LRP12: variants seen among roughly 807,000 people sequenced by gnomAD.
The protein encoded by LRP12 is LDL receptor related protein 12, also known as low-density lipoprotein receptor-related protein 12.
LRP12 carries 14 observed loss-of-function variants against 66.0 expected under a neutral mutation model. The ratio of observed to expected loss-of-function variants is 0.21; its 90% confidence interval spans 0.14 to 0.33. LRP12 has a LOEUF of 0.33. Among genes scored for constraint, LRP12 ranks in the 10% least tolerant of loss-of-function variants. The probability of loss-of-function intolerance (pLI) is 1.00; values close to 1 mark genes in which losing one functional copy is unlikely to be tolerated. For synonymous variants in LRP12, 357 were observed against 359.1 expected (o/e 0.99, Z 0.07); for missense variants, 889 against 1,053.4 (o/e 0.84, Z 2.16).
chr8:104,516,029 C>T (rs1375242722), intron 2 of LRP12, among the ~76,000 whole-genome samples: 1 of 152,188 alleles, frequency 6.6e-6, no homozygotes, highest in Admixed American at 6.5e-5. Context: ...ACTGGGATTA[C>T]AGGTGTGTGC....
chr8:104,535,112 C>A (rs1163485437), intron 1 of LRP12, among the ~76,000 whole-genome samples: 5 of 151,114 alleles, frequency 3.3e-5, no homozygotes, highest in Non-Finnish European at 7.4e-5. Flanking sequence ...AGTAGATAAA[C>A]CCTAAAAAAG....
intron 1 of LRP12, chr8:104,566,352 G>T: frequency 4.0e-6 from 1 of 249,204 alleles, no homozygotes; most frequent in Non-Finnish European, 7.8e-6. Flanking sequence ...AACTAAGTCT[G>T]GTGAGGAAAA....
chr8:104,536,932 C>T (rs2140867189), intron 1 of LRP12, among the ~76,000 whole-genome samples: 1 of 151,930 alleles, frequency 6.6e-6, no homozygotes, highest in East Asian at 1.9e-4. Context: ...GAAGACATGG[C>T]AGAAGACCCC....
chr8:104,499,556 A>G (rs781518864), intron 3 of LRP12, 37 bp from the exon 4 acceptor site: 3 of 1,459,626 alleles, frequency 2.1e-6, no homozygotes, highest in South Asian at 2.5e-5. Flanking sequence ...TAAAAAGTCA[A>G]TTTTGGAAAA....
At chr8:104,567,293 C>A (rs1166280936) in intron 1 of LRP12, among the ~76,000 whole-genome samples, 2 of 151,970 alleles carry the variant, frequency 1.3e-5, no homozygotes, top group East Asian at 1.9e-4. Flanking sequence ...TGGCGGGAGG[C>A]AAAAGGCACT....
At chr8:104,566,952 T>A (rs938923731) in intron 1 of LRP12, among the ~76,000 whole-genome samples, 1 of 151,798 alleles carries the variant, frequency 6.6e-6, no homozygotes, top group African/African-American at 2.4e-5. Flanking sequence ...AAGCAAAATG[T>A]AAATATATAA....
rs779222842 is a variant in LRP12 at position 104,588,928 on chromosome 8, GAC to G, written c.-33_-32del. The G allele has an allele frequency of 1.4e-4, 222 of 1,538,454 alleles. No homozygotes were observed. The highest frequency in any genetic ancestry group is 1.1e-3 in the South Asian group (96 of 85,030). On this transcript the variant is annotated 5_prime_UTR_variant, in exon 1 of 7. Coordinates refer to ENST00000276654, the MANE Select transcript of LRP12 (RefSeq NM_013437.5). ...CAGCAGATGGAGAGAGAGAGGAGGA[GAC>G]GGAGGAGGAGGGAGGAGAAGCTGGA...
At chr8:104,554,869 G>A (rs1412916893) in intron 1 of LRP12, among the ~76,000 whole-genome samples, 2 of 152,160 alleles carry the variant, frequency 1.3e-5, no homozygotes, top group African/African-American at 2.4e-5. Context: ...TAAGGGCTGT[G>A]AGGCAAAAGC....
At chr8:104,513,191 A>T (rs1588487949) in intron 2 of LRP12, among the ~76,000 whole-genome samples, 2 of 152,202 alleles carry the variant, frequency 1.3e-5, no homozygotes, top group Non-Finnish European at 2.9e-5. Flanking sequence ...CCATTAAAGC[A>T]ATTTTTAACT....
chr8:104,496,286 C>T (rs1170863765), intron 5 of LRP12: 1 of 152,210 alleles, frequency 6.6e-6, no homozygotes, highest in Non-Finnish European at 1.5e-5. Context: ...CATACGCATC[C>T]TGGGCTCCAG....
rs1371216630 is a variant in LRP12 at position 104,496,839 on chromosome 8, T to C, written c.1580+133A>G. 1.2e-5 allele frequency: 10 copies of C among 838,242 alleles called. No homozygotes were observed. The Admixed American group carries it at 3.3e-4, about 28-fold the overall frequency. The allele number at this position is 838,242 out of a possible 1,614,324, so 51.9% of individuals were successfully genotyped here. ...TCTCGGGTTTTTCACGCTAATTTTA[T>C]ACATCATCAACAATCTTTATCCATT... On this transcript the variant is annotated intron_variant, in intron 5 of 6. Transcript: ENST00000276654.
At chr8:104,521,724 C>T (rs1333635889) in intron 2 of LRP12, among the ~76,000 whole-genome samples, 1 of 151,418 alleles carries the variant, frequency 6.6e-6, no homozygotes, top group Non-Finnish European at 1.5e-5. Flanking sequence ...TTCTGAAATC[C>T]TAAAAACCCT....
intron 1 of LRP12, among the ~76,000 whole-genome samples, chr8:104,543,425 T>G (rs961153945): frequency 6.6e-6 from 1 of 152,188 alleles, no homozygotes; most frequent in Non-Finnish European, 1.5e-5. Context: ...TAACATGAAC[T>G]GTGCCTATAA....
At chr8:104,509,714 G>C (rs867242772) in intron 2 of LRP12, among the ~76,000 whole-genome samples, 1 of 152,180 alleles carries the variant, frequency 6.6e-6, no homozygotes, top group African/African-American at 2.4e-5. Flanking sequence ...AAAAAAAATC[G>C]TATGCTGAGG....
chr8:104,581,640 C>T (rs1366490778), intron 1 of LRP12, among the ~76,000 whole-genome samples: 1 of 151,956 alleles, frequency 6.6e-6, no homozygotes, highest in African/African-American at 2.4e-5. Flanking sequence ...ATTATCAGAT[C>T]TGTACTTTAG....
At chr8:104,537,035 G>T (rs1042680661) in intron 1 of LRP12, among the ~76,000 whole-genome samples, 4 of 151,728 alleles carry the variant, frequency 2.6e-5, no homozygotes, top group Admixed American at 2.0e-4. Context: ...CAGCAATTCT[G>T]CTGTGAACAA....
At chr8:104,560,346 T>C (rs1811884860) in intron 1 of LRP12, among the ~76,000 whole-genome samples, 1 of 151,810 alleles carries the variant, frequency 6.6e-6, no homozygotes, top group African/African-American at 2.4e-5. Context: ...TCTTGATGGA[T>C]GTCCCTCTGT....
chr8:104,588,964 A>ACGCCGCCGCCGCCGCCGCCGCCGCCGC lies in LRP12; in HGVS notation c.-68_-67insGCGGCGGCGGCGGCGGCGGCGGCGGCG, dbSNP rs146897880. On this transcript the variant is annotated 5_prime_UTR_variant, in exon 1 of 7. Transcript: ENST00000276654. Reference sequence around the variant, plus strand: ...AGGGAGGAGAAGCTGGAGGTAGACGACGCCGACGCCGCCGCCGCCGCCGCC... The same window carrying ACGCCGCCGCCGCCGCCGCCGCCGCCGC: ...AGGGAGGAGAAGCTGGAGGTAGACGACGCCGCCGCCGCCGCCGCCGCCGCCGCCGCCGACGCCGCCGCCGCCGCCGCC... 6.6e-5 allele frequency: 59 copies of ACGCCGCCGCCGCCGCCGCCGCCGCCGC among 899,818 alleles called. No homozygotes were observed. In the Admixed American group the frequency reaches 1.2e-3, roughly 18 times the overall value. 55.7% of individuals were successfully genotyped at this position (899,818 alleles called of 1,614,324 possible). A position where few individuals can be genotyped will look rare whatever the true frequency, so the allele number is the denominator to read the frequency against.
chr8:104,552,473 C>G (rs1158835025), intron 1 of LRP12, among the ~76,000 whole-genome samples: 1 of 151,624 alleles, frequency 6.6e-6, no homozygotes, highest in African/African-American at 2.4e-5. Context: ...AGTTCGAGAC[C>G]AGCCTGACCA....
Sources: gnomAD v4.1 joint callset for allele counts (sites outside exome capture counted in the v4.1 genomes callset) on GRCh38, gnomAD v4.1.1 for gene constraint, MANE v1.5 for transcripts, NCBI Gene and HGNC (gene_info 2026-07-23, HGNC 2026-07-21) for gene names.